Variants in VPS8 observed in about 807,000 individuals in gnomAD.
VPS8 encodes VPS8 subunit of CORVET complex, also known as vacuolar protein sorting-associated protein 8 homolog.
Under a neutral mutation model 216.4 loss-of-function variants are expected in VPS8, and 129 were observed. The observed-to-expected ratio is 0.60, with a 90% CI of 0.52 to 0.69. VPS8 has a LOEUF of 0.69. VPS8 is among the 30% of genes least tolerant of loss of function. The probability of loss-of-function intolerance (pLI) is 0.00; values close to 1 mark genes in which losing one functional copy is unlikely to be tolerated. For missense variants in VPS8, 1,531 were observed against 1,683.5 expected (o/e 0.91, Z 1.59); for synonymous variants, 571 against 565.4 (o/e 1.01, Z -0.14).
chr3:184,820,142 G>A (rs990115701), intron 1 of VPS8, among the ~76,000 whole-genome samples: 1 of 152,142 alleles, frequency 6.6e-6, no homozygotes, highest in Non-Finnish European at 1.5e-5. Flanking sequence ...GTAAATTACC[G>A]TAAAGTTAGT....
chr3:184,813,585 A>G (rs1715650578), intron 1 of VPS8, among the ~76,000 whole-genome samples: 2 of 152,234 alleles, frequency 1.3e-5, no homozygotes, highest in Non-Finnish European at 2.9e-5. Flanking sequence ...ATGGAAAAAA[A>G]ATTCGTTGAA....
intron 45 of VPS8, among the ~76,000 whole-genome samples, chr3:185,010,543 G>A (rs1315946169): frequency 6.6e-6 from 1 of 152,086 alleles, no homozygotes; most frequent in African/African-American, 2.4e-5. Context: ...AAATATGGAA[G>A]TTACAAAGAA....
chr3:185,026,934 C>G (rs1051125493), intron 46 of VPS8, among the ~76,000 whole-genome samples: 4 of 151,980 alleles, frequency 2.6e-5, no homozygotes, highest in Non-Finnish European at 5.9e-5. Flanking sequence ...TGGTCTCAAT[C>G]TCCTGACTTC....
At chr3:184,970,679 CCTTA>C (rs1247439902) in intron 39 of VPS8, among the ~76,000 whole-genome samples, 2 of 152,218 alleles carry the variant, frequency 1.3e-5, no homozygotes, top group African/African-American at 2.4e-5. Flanking sequence ...AGTGTCAGAT[CCTTA>C]CTTACATTCT....
chr3:185,048,698 C>A, intron 47 of VPS8, 139 bp downstream of exon 47: 1 of 856,342 alleles, frequency 1.2e-6, no homozygotes, highest in South Asian at 1.7e-5. Flanking sequence ...GCTACATGGA[C>A]AACAGACCCT....
intron 29 of VPS8, among the ~76,000 whole-genome samples, chr3:184,921,576 T>G (rs1268681082): frequency 6.6e-6 from 1 of 151,688 alleles, no homozygotes; most frequent in East Asian, 1.9e-4. Flanking sequence ...GTTTTTCTTC[T>G]TCTTCTTTTT....
intron 35 of VPS8, among the ~76,000 whole-genome samples, chr3:184,936,903 A>C (rs888063198): frequency 6.6e-6 from 1 of 151,804 alleles, no homozygotes; most frequent in African/African-American, 2.4e-5. Flanking sequence ...ATGCCTGGCT[A>C]ATTTTTTTGT....
intron 42 of VPS8, among the ~76,000 whole-genome samples, chr3:184,987,479 T>C (rs116454728): frequency 0.011 from 1,651 of 152,216 alleles, 31 homozygotes; most frequent in African/African-American, 0.037. Flanking sequence ...GTTGGAATCA[T>C]AGAGTGCGTA....
At chr3:185,011,200 T>C (rs1754973318) in intron 45 of VPS8, among the ~76,000 whole-genome samples, 1 of 151,734 alleles carries the variant, frequency 6.6e-6, no homozygotes, top group Non-Finnish European at 1.5e-5. Context: ...TTTTTGCTAA[T>C]AATTATAAGC....
intron 22 of VPS8, among the ~76,000 whole-genome samples, chr3:184,894,152 C>G (rs1378282384): frequency 1.3e-5 from 2 of 152,024 alleles, no homozygotes; most frequent in Non-Finnish European, 2.9e-5. Flanking sequence ...ACTAGCCAAA[C>G]ATTTTGGGAT....
rs865783083 is a variant in VPS8 at position 184,864,145 on chromosome 3, G to T, written c.1395+1078G>T. 5.3e-5 allele frequency among the ~76,000 whole-genome samples: 8 copies of T among 151,986 alleles called. No individual in the cohort carries two copies. The Middle Eastern group carries it at 0.014, about 258-fold the overall frequency. ...AAGAGGAAGGAGAAGGAGAAGGGAG[G>T]GGGAGGGGAAGGGGGAAGGAAGAAG... On this transcript the variant is annotated intron_variant, in intron 16 of 47. Transcript: ENST00000625842.
At chr3:184,877,568 T>G (rs1303997493) in intron 21 of VPS8, among the ~76,000 whole-genome samples, 1 of 152,162 alleles carries the variant, frequency 6.6e-6, no homozygotes, top group African/African-American at 2.4e-5. Context: ...ATAACGTACT[T>G]GAGGAGTGCT....
intron 21 of VPS8, among the ~76,000 whole-genome samples, chr3:184,883,469 C>A (rs1460959293): frequency 6.6e-6 from 1 of 152,172 alleles, no homozygotes; most frequent in Non-Finnish European, 1.5e-5. Flanking sequence ...CTTGTGACCT[C>A]TTCATTCAAC....
chr3:185,029,551 A>G (rs575547376), intron 46 of VPS8, among the ~76,000 whole-genome samples: 12 of 149,752 alleles, frequency 8.0e-5, no homozygotes, highest in African/African-American at 2.9e-4. Context: ...TGTGCATCAC[A>G]TTCCACAACA....
chr3:185,002,389 T>A (rs1753536964), intron 45 of VPS8, among the ~76,000 whole-genome samples: 4 of 152,252 alleles, frequency 2.6e-5, no homozygotes, highest in Admixed American at 2.6e-4. Flanking sequence ...ATCTGTTCAC[T>A]GAATTTCTTC....
chr3:184,853,678 C>T (rs1488168594), intron 11 of VPS8, among the ~76,000 whole-genome samples, 179 bp from the exon 12 acceptor site: 1 of 152,060 alleles, frequency 6.6e-6, no homozygotes. Context: ...CTGTTTTTGG[C>T]AGAAAAATAA....
rs142954492 is a variant in VPS8, at chr3:184,925,662, G to T, written c.2574+681G>T. 6.2e-3 allele frequency among the ~76,000 whole-genome samples: 945 copies of T among 152,168 alleles called. 2 individuals carry two copies. The highest frequency in any genetic ancestry group is 0.011 in the Non-Finnish European group (726 of 68,000). ...TAGAGTTAGTATCCAAATTCAAGTG[G>T]CCTGACTCCTAAGCCCATGCTTTGC... On this transcript the variant is annotated intron_variant, in intron 30 of 47. Transcript: ENST00000625842.
rs562438582 is a variant in VPS8 at position 185,001,549 on chromosome 3, A to G, written c.4002+1688A>G. Among the ~76,000 whole-genome samples, 12 of 152,324 alleles carry G rather than the reference A, an allele frequency of 7.9e-5. No individual in the cohort carries two copies. In the East Asian group the frequency reaches 1.2e-3, roughly 15 times the overall value. ...GGCCTACCACCTTCCTAGCACATCA[A>G]TGTCTACACCAACCCATAAGCTCCT... On this transcript the variant is annotated intron_variant, in intron 45 of 47. Coordinates refer to ENST00000625842, the MANE Select transcript of VPS8 (RefSeq NM_001009921.3).
intron 10 of VPS8, among the ~76,000 whole-genome samples, chr3:184,850,628 A>G (rs1724067364): frequency 6.6e-6 from 1 of 152,240 alleles, no homozygotes; most frequent in African/African-American, 2.4e-5. Flanking sequence ...TTTCATTTAT[A>G]AATACAATGT....
Sources: gnomAD v4.1 joint callset for allele counts (sites outside exome capture counted in the v4.1 genomes callset) on GRCh38, gnomAD v4.1.1 for gene constraint, MANE v1.5 for transcripts, NCBI Gene and HGNC (gene_info 2026-07-23, HGNC 2026-07-21) for gene names.